KLHL4: variants seen among roughly 807,000 people sequenced by gnomAD.
KLHL4 encodes kelch like family member 4.
In KLHL4, 17 loss-of-function variants were observed where a neutral mutation model predicts 45.8. The ratio of observed to expected loss-of-function variants is 0.37; its 90% CI spans 0.25 to 0.56. The LOEUF is 0.56. Among genes scored for constraint, KLHL4 ranks in the 20% least tolerant of loss-of-function variants. The pLI is 0.79. For missense variants in KLHL4, 544 were observed against 544.9 expected, an observed-to-expected ratio of 1.00 and a Z score of 0.02; for synonymous variants, 224 against 189.9, an observed-to-expected ratio of 1.18 and a Z score of -1.47.
intron 1 of KLHL4, among the ~76,000 whole-genome samples, chrX:87,538,717 C>G (rs921931227): frequency 9.0e-6 from 1 of 111,094 alleles, no homozygotes; most frequent in Non-Finnish European, 1.9e-5. Context: ...ATTATTCATG[C>G]AATTTTTGCT....
chrX:87,552,946 T>C (rs1931867329), intron 1 of KLHL4, among the ~76,000 whole-genome samples: 1 of 110,407 alleles, frequency 9.1e-6, no homozygotes, highest in Non-Finnish European at 1.9e-5. Flanking sequence ...TTAAAATAAC[T>C]TTAAGAATGT....
chrX:87,610,014 G>C (rs1922321068), intron 1 of KLHL4, among the ~76,000 whole-genome samples: 1 of 111,512 alleles, frequency 9.0e-6, no homozygotes, highest in African/African-American at 3.3e-5. Context: ...ATTTGGAGGA[G>C]ACAAATGTCA....
At chrX:87,640,392 GA>G (rs1369159116) in intron 9 of KLHL4, among the ~76,000 whole-genome samples, 4 of 111,183 alleles carry the variant, frequency 3.6e-5, no homozygotes, top group African/African-American at 9.8e-5. Flanking sequence ...TAACAAAAAA[GA>G]AAACTACAGC....
intron 6 of KLHL4, among the ~76,000 whole-genome samples, chrX:87,629,230 G>A (rs1433544365): frequency 1.8e-5 from 2 of 111,281 alleles, no homozygotes; most frequent in Non-Finnish European, 3.8e-5. Context: ...TATATCAAAC[G>A]TTCTGGGGCA....
chrX:87,555,984 A>G (rs1236908124), intron 1 of KLHL4, among the ~76,000 whole-genome samples: 6 of 109,687 alleles, frequency 5.5e-5, no homozygotes, highest in Admixed American at 9.8e-5. Flanking sequence ...GTACCCAGTA[A>G]TCATTCAGGA....
intron 9 of KLHL4, among the ~76,000 whole-genome samples, chrX:87,658,201 G>T (rs1924055717): frequency 9.0e-6 from 1 of 111,701 alleles, no homozygotes; most frequent in Non-Finnish European, 1.9e-5. Flanking sequence ...TCCTAGCCTG[G>T]TCTTGCAAAG....
At chrX:87,603,016 AGT>A in intron 1 of KLHL4, among the ~76,000 whole-genome samples, 1 of 111,557 alleles carries the variant, frequency 9.0e-6, no homozygotes, top group East Asian at 2.8e-4. Context: ...GGGAGTTAGT[AGT>A]CAAGACAGTG....
intron 1 of KLHL4, among the ~76,000 whole-genome samples, chrX:87,597,108 A>G (rs1921862392): frequency 8.9e-6 from 1 of 111,894 alleles, no homozygotes; most frequent in South Asian, 3.7e-4. Flanking sequence ...ACGTGTATCC[A>G]CAGTTTACAT....
chrX:87,600,484 C>CAAAAA (rs148536239), intron 1 of KLHL4, among the ~76,000 whole-genome samples: 1 of 69,821 alleles, frequency 1.4e-5, no homozygotes, highest in East Asian at 4.8e-4. Flanking sequence ...CTTCGTCTCA[C>CAAAAA]AAAAAAAAAA....
intron 1 of KLHL4, among the ~76,000 whole-genome samples, chrX:87,608,094 C>A (rs1922256715): frequency 8.9e-6 from 1 of 111,881 alleles, no homozygotes; most frequent in Non-Finnish European, 1.9e-5. Flanking sequence ...TAGAAATCAT[C>A]TTTGGTTTAT....
intron 1 of KLHL4, among the ~76,000 whole-genome samples, chrX:87,554,166 T>C (rs1191220879): frequency 5.6e-5 from 4 of 71,769 alleles, no homozygotes; most frequent in Non-Finnish European, 1.0e-4. Context: ...CCTCCAGCTT[T>C]GTTCTTTTGG....
chrX:87,528,706 C>CAAAAAAAAAAAAAAAAAAAAAAA (rs1160857135), intron 1 of KLHL4, among the ~76,000 whole-genome samples: 1 of 31,501 alleles, frequency 3.2e-5, no homozygotes, highest in African/African-American at 1.3e-4. Flanking sequence ...CAAAGCGAGA[C>CAAAAAAAAAAAAAAAAAAAAAAA]AAAAAAAAAA....
chrX:87,645,301 G>T lies in KLHL4; in HGVS notation c.1925+9526G>T, dbSNP rs772748892. On this transcript the variant is annotated intron_variant, in intron 9 of 10. Coordinates refer to ENST00000373119, the MANE Select transcript of KLHL4 (RefSeq NM_019117.5). ...AATGGCCAATAAACATGTGAAAAATGCTCAACATTACTAATGATCAGGGAA... is the reference window on the plus strand; with the variant it reads ...AATGGCCAATAAACATGTGAAAAATTCTCAACATTACTAATGATCAGGGAA... 2.4e-4 allele frequency among the ~76,000 whole-genome samples: 27 copies of T among 111,820 alleles called. No individual in the cohort carries two copies. The South Asian group carries it at 9.7e-3, about 40-fold the overall frequency.
At chrX:87,524,053 C>T (rs1314272066) in intron 1 of KLHL4, among the ~76,000 whole-genome samples, 1 of 111,643 alleles carries the variant, frequency 9.0e-6, no homozygotes, top group Non-Finnish European at 1.9e-5. Context: ...TATGCCAGCA[C>T]TCTGCCCTCA....
intron 9 of KLHL4, among the ~76,000 whole-genome samples, chrX:87,642,596 T>C (rs1282884993): frequency 8.9e-6 from 1 of 111,907 alleles, no homozygotes; most frequent in Non-Finnish European, 1.9e-5. Context: ...GTTATTAAGC[T>C]AATCAGGGAG....
intron 1 of KLHL4, among the ~76,000 whole-genome samples, chrX:87,565,685 CAAA>C (rs748577568): frequency 8.2e-3 from 216 of 26,184 alleles, no homozygotes; most frequent in African/African-American, 0.03. Flanking sequence ...GTGATTGTGC[CAAA>C]AAAAAAAAAA....
Position 87,606,547 on chromosome X carries a change from C to CA in KLHL4, c.423-7323dup, listed in dbSNP as rs752151880. ...CATTACAACTAGTATCACAGAAATA[C>CA]AAAAAAATTCATAAAAGTGTATTAT... On this transcript the variant is annotated intron_variant, in intron 1 of 10. Coordinates refer to ENST00000373119, the MANE Select transcript of KLHL4 (RefSeq NM_019117.5). 1.4e-3 allele frequency among the ~76,000 whole-genome samples: 154 copies of CA among 110,356 alleles called. 1 individual carries two copies. The highest frequency in any genetic ancestry group is 2.2e-3 in the Non-Finnish European group (117 of 52,596).
chrX:87,551,108 A>G (rs1042853724), intron 1 of KLHL4, among the ~76,000 whole-genome samples: 1 of 110,412 alleles, frequency 9.1e-6, no homozygotes, highest in Non-Finnish European at 1.9e-5. Context: ...CAACTCTAAA[A>G]CCCTAAAGAC....
intron 1 of KLHL4, among the ~76,000 whole-genome samples, chrX:87,567,697 A>T (rs1033248836): frequency 8.9e-6 from 1 of 112,024 alleles, no homozygotes; most frequent in Non-Finnish European, 1.9e-5. Flanking sequence ...AAGCGAATTA[A>T]TGCAGAAACA....
Sources: gnomAD v4.1 joint callset for allele counts (sites outside exome capture counted in the v4.1 genomes callset) on GRCh38, gnomAD v4.1.1 for gene constraint, MANE v1.5 for transcripts, NCBI Gene and HGNC (gene_info 2026-07-23, HGNC 2026-07-21) for gene names.